HS3ST5: variants seen among roughly 807,000 people sequenced by gnomAD.
HS3ST5 encodes heparan sulfate-glucosamine 3-sulfotransferase 5.
A neutral mutation model predicts 25.4 loss-of-function variants in HS3ST5; 10 were observed. That is an observed-to-expected ratio of 0.39 (90% CI 0.24 to 0.67). The LOEUF (loss-of-function observed/expected upper bound fraction) is 0.67, where lower values mean the gene tolerates loss of function less well. HS3ST5 is among the 30% of genes least tolerant of loss of function. The pLI is 0.44. For synonymous variants in HS3ST5, 170 were observed against 162.4 expected (o/e 1.05, Z -0.36); for missense variants, 324 against 420.7 (o/e 0.77, Z 2.01).
intron 3 of HS3ST5, chr6:114,084,681 C>G: frequency 8.0e-7 from 1 of 1,250,622 alleles, no homozygotes; most frequent in Non-Finnish European, 1.2e-6. Flanking sequence ...GGGTCAGTAA[C>G]CACAAGAAGC....
At chr6:114,132,366 T>C (rs868726145) in intron 3 of HS3ST5, 9 of 152,226 alleles carry the variant, frequency 5.9e-5, no homozygotes, top group South Asian at 2.1e-4. Context: ...CATAATTTCC[T>C]ATAAAGTTTG....
chr6:114,187,414 G>C (rs1031272902), intron 2 of HS3ST5, among the ~76,000 whole-genome samples: 5 of 152,102 alleles, frequency 3.3e-5, no homozygotes, highest in Non-Finnish European at 5.9e-5. Context: ...GACTTTGAGG[G>C]GTTCAAGACT....
intron 1 of HS3ST5, among the ~76,000 whole-genome samples, chr6:114,288,313 A>C (rs925510891): frequency 3.3e-5 from 5 of 152,204 alleles, no homozygotes; most frequent in African/African-American, 1.2e-4. Context: ...GTAAGTTTCT[A>C]CACAGTGCAA....
intron 1 of HS3ST5, among the ~76,000 whole-genome samples, chr6:114,270,367 A>G (rs953517545): frequency 6.6e-6 from 1 of 152,082 alleles, no homozygotes; most frequent in Non-Finnish European, 1.5e-5. Flanking sequence ...AGGAACTTTT[A>G]AAAAAAATCC....
intron 3 of HS3ST5, among the ~76,000 whole-genome samples, chr6:114,161,896 T>C (rs1291850938): frequency 6.6e-6 from 1 of 151,816 alleles, no homozygotes; most frequent in Non-Finnish European, 1.5e-5. Flanking sequence ...TACTGGAAAA[T>C]CATATTAACA....
intron 3 of HS3ST5, among the ~76,000 whole-genome samples, chr6:114,118,665 A>G (rs541764057): frequency 6.6e-6 from 1 of 152,344 alleles, no homozygotes; most frequent in East Asian, 1.9e-4. Flanking sequence ...ATTGATAGAA[A>G]GGTATATGTC....
At chr6:114,217,846 G>A (rs1781841974) in intron 2 of HS3ST5, among the ~76,000 whole-genome samples, 2 of 152,124 alleles carry the variant, frequency 1.3e-5, no homozygotes, top group South Asian at 4.1e-4. Context: ...AGAAAACTCA[G>A]CCACAGATGG....
At chr6:114,336,190 C>T (rs182584575) in intron 1 of HS3ST5, among the ~76,000 whole-genome samples, 2 of 152,322 alleles carry the variant, frequency 1.3e-5, no homozygotes, top group East Asian at 3.9e-4. Context: ...GTGGTGATGA[C>T]AGCAGTATCA....
chr6:114,127,891 G>C (rs1046934634), intron 3 of HS3ST5, among the ~76,000 whole-genome samples: 1 of 150,508 alleles, frequency 6.6e-6, no homozygotes, highest in African/African-American at 2.4e-5. Context: ...TATAGAGAGA[G>C]AGAGACATAT....
At chr6:114,263,747 G>A (rs1773281106) in intron 1 of HS3ST5, among the ~76,000 whole-genome samples, 1 of 152,148 alleles carries the variant, frequency 6.6e-6, no homozygotes, top group African/African-American at 2.4e-5. Context: ...GGGTGACAAA[G>A]CATCTCTGGT....
chr6:114,102,841 C>T (rs1304530096), intron 3 of HS3ST5, among the ~76,000 whole-genome samples: 1 of 152,084 alleles, frequency 6.6e-6, no homozygotes. Context: ...CAATATCACC[C>T]CTTCCTTTGA....
intron 3 of HS3ST5, among the ~76,000 whole-genome samples, chr6:114,087,305 G>A (rs529505906): frequency 1.3e-5 from 2 of 152,188 alleles, no homozygotes; most frequent in South Asian, 2.1e-4. Context: ...CATGATGCCC[G>A]TTCTTCCATT....
intron 3 of HS3ST5, among the ~76,000 whole-genome samples, chr6:114,103,550 G>GAT (rs1192544423): frequency 3.3e-5 from 5 of 151,882 alleles, no homozygotes; most frequent in Non-Finnish European, 5.9e-5. Context: ...ATTTCTTGTT[G>GAT]ATTGACTATA....
In HS3ST5 at chr6:114,057,779, G is replaced by A. The variant is rs770564913; in HGVS notation, c.519C>T (p.Asn173=). 1 of 1,614,130 alleles carries A rather than the reference G, an allele frequency of 6.2e-7. No individual in the cohort carries two copies. ...CAATGATCAACAACTTGATGGATGA[G>A]TTCATTTTGTAAATCCTTTCTGGAA... ...EEVPERIYKM[N]SSIKLLIIVR... Residue 173 remains asparagine (N), a synonymous_variant, in exon 5 of 5, where the codon AAC becomes AAT. Transcript: ENST00000312719.
chr6:114,251,036 G>C (rs956941124), intron 1 of HS3ST5, among the ~76,000 whole-genome samples: 1 of 152,172 alleles, frequency 6.6e-6, no homozygotes, highest in Non-Finnish European at 1.5e-5. Flanking sequence ...GAAATTTTCA[G>C]CACTAAAACC....
intron 2 of HS3ST5, among the ~76,000 whole-genome samples, chr6:114,176,867 C>T (rs1268974484): frequency 1.3e-5 from 2 of 152,188 alleles, no homozygotes; most frequent in Non-Finnish European, 2.9e-5. Flanking sequence ...ACTCCCAAGA[C>T]TGGTCTGTTC....
At chr6:114,284,545 C>A (rs1301237921) in intron 1 of HS3ST5, among the ~76,000 whole-genome samples, 1 of 151,948 alleles carries the variant, frequency 6.6e-6, no homozygotes, top group Non-Finnish European at 1.5e-5. Context: ...TCAACCACAA[C>A]CCAAGGGGAA....
chr6:114,111,098 C>T (rs948240559), intron 3 of HS3ST5, among the ~76,000 whole-genome samples: 3 of 152,012 alleles, frequency 2.0e-5, no homozygotes, highest in South Asian at 2.1e-4. Context: ...AGTAAACTAT[C>T]GTTTTTTACT....
chr6:114,103,857 A>ATTTT (rs71553394), intron 3 of HS3ST5, among the ~76,000 whole-genome samples: 17 of 107,116 alleles, frequency 1.6e-4, no homozygotes, highest in South Asian at 6.4e-4. Flanking sequence ...CACCTGGCTA[A>ATTTT]TTTTTTTTTT....
Sources: gnomAD v4.1 joint callset for allele counts (sites outside exome capture counted in the v4.1 genomes callset) on GRCh38, gnomAD v4.1.1 for gene constraint, MANE v1.5 for transcripts, NCBI Gene and HGNC (gene_info 2026-07-23, HGNC 2026-07-21) for gene names.